SCD5: variants seen among roughly 807,000 people sequenced by gnomAD.
SCD5 encodes acyl-CoA-desaturase 4.
In SCD5, 20 loss-of-function variants were observed where a neutral mutation model predicts 30.4. That is an observed-to-expected ratio of 0.66 (90% CI 0.46 to 0.96). The LOEUF is 0.96. Ranked by LOEUF, SCD5 falls within the 40% of genes least tolerant of loss-of-function variation. SCD5 has a pLI of 0.00. For missense variants in SCD5, 381 were observed against 443.3 expected (o/e 0.86, Z 1.26); for synonymous variants, 173 against 176.4 (o/e 0.98, Z 0.16).
At chr4:82,697,452 C>T (rs1328954047) in intron 2 of SCD5, among the ~76,000 whole-genome samples, 1 of 152,150 alleles carries the variant, frequency 6.6e-6, no homozygotes, top group African/African-American at 2.4e-5. Flanking sequence ...CTGTGAGAAA[C>T]AGACTAGCCC....
At chr4:82,758,562 T>C (rs754774499) in intron 1 of SCD5, among the ~76,000 whole-genome samples, 3 of 152,204 alleles carry the variant, frequency 2.0e-5, no homozygotes, top group Non-Finnish European at 4.4e-5. Context: ...CATTCATATG[T>C]TAAGACTTAA....
chr4:82,715,873 C>T (rs925714810), intron 1 of SCD5, among the ~76,000 whole-genome samples: 3 of 151,740 alleles, frequency 2.0e-5, no homozygotes, highest in African/African-American at 7.3e-5. Flanking sequence ...ATGACAAAGA[C>T]TAAGGCTGTT....
chr4:82,702,857 T>C (rs534901863), intron 2 of SCD5, among the ~76,000 whole-genome samples: 28 of 152,360 alleles, frequency 1.8e-4, no homozygotes, highest in African/African-American at 6.5e-4. Context: ...TAGGGTTAAG[T>C]GGTTTAAATA....
At chr4:82,730,144 C>T (rs1057241232) in intron 1 of SCD5, among the ~76,000 whole-genome samples, 5 of 150,916 alleles carry the variant, frequency 3.3e-5, no homozygotes, top group Non-Finnish European at 5.9e-5. Flanking sequence ...ATCTAATTTA[C>T]AGGACCCCAG....
rs1188550016 is a variant in SCD5 at position 82,730,231 on chromosome 4, TAATA to T, written c.233-24822_233-24819del. Among the ~76,000 whole-genome samples, 117 of 36,978 alleles carry T rather than the reference TAATA, an allele frequency of 3.2e-3. 1 individual carries two copies. Among genetic ancestry groups the T allele is most frequent in the African/African-American group, 0.016 (84 of 5,286 alleles). The allele number at this position is 36,978 out of a possible 152,430, so 24.3% of individuals were successfully genotyped here. On this transcript the variant is annotated intron_variant, in intron 1 of 4. Transcript: ENST00000319540. ...TATAATACATATATTATATTATATATAATATTTAAAAACATATAATATATTATAC... is the reference window on the plus strand; with the variant it reads ...TATAATACATATATTATATTATATATTTTAAAAACATATAATATATTATAC...
At chr4:82,714,066 T>G (rs1720168865) in intron 1 of SCD5, among the ~76,000 whole-genome samples, 1 of 152,188 alleles carries the variant, frequency 6.6e-6, no homozygotes, top group African/African-American at 2.4e-5. Context: ...ACCCATACAT[T>G]ACTCAGAAAT....
chr4:82,767,368 C>A (rs560978917), intron 1 of SCD5, among the ~76,000 whole-genome samples: 4 of 152,186 alleles, frequency 2.6e-5, no homozygotes. Context: ...CCTCCCCAGA[C>A]TTCTAGCTCT....
At chr4:82,785,526 A>G (rs1227897093) in intron 1 of SCD5, among the ~76,000 whole-genome samples, 1 of 152,192 alleles carries the variant, frequency 6.6e-6, no homozygotes, top group Admixed American at 6.5e-5. Flanking sequence ...CCTGAATGCA[A>G]AGTCACCTCC....
intron 3 of SCD5, among the ~76,000 whole-genome samples, chr4:82,674,353 TA>T (rs1467719562): frequency 3.9e-5 from 6 of 152,232 alleles, no homozygotes; most frequent in African/African-American, 1.4e-4. Flanking sequence ...AACATCTTAC[TA>T]AAGAAAATAT....
chr4:82,754,294 A>G (rs1429077672), intron 1 of SCD5, among the ~76,000 whole-genome samples: 1 of 152,228 alleles, frequency 6.6e-6, no homozygotes, highest in African/African-American at 2.4e-5. Flanking sequence ...AAATAAATTC[A>G]AAGGCCCTGC....
At chr4:82,655,664 G>A (rs1727854302) in intron 3 of SCD5, among the ~76,000 whole-genome samples, 1 of 152,180 alleles carries the variant, frequency 6.6e-6, no homozygotes, top group African/African-American at 2.4e-5. Context: ...TGATCAAAGA[G>A]GAAGGAACAG....
chr4:82,668,930 G>T (rs1728247181), intron 3 of SCD5, among the ~76,000 whole-genome samples: 2 of 152,186 alleles, frequency 1.3e-5, no homozygotes, highest in South Asian at 4.2e-4. Flanking sequence ...ACAAAATACA[G>T]ATAACCAACC....
chr4:82,717,406 T>A (rs561773865), intron 1 of SCD5, among the ~76,000 whole-genome samples: 1 of 151,748 alleles, frequency 6.6e-6, no homozygotes, highest in Non-Finnish European at 1.5e-5. Flanking sequence ...TATGCAACTA[T>A]CGAAATCACC....
chr4:82,774,304 A>G (rs1393275259), intron 1 of SCD5, among the ~76,000 whole-genome samples: 1 of 152,142 alleles, frequency 6.6e-6, no homozygotes, highest in Non-Finnish European at 1.5e-5. Context: ...CATTAAAAAA[A>G]AATCCATGAT....
intron 4 of SCD5, among the ~76,000 whole-genome samples, chr4:82,636,330 A>G (rs1727428487): frequency 6.6e-6 from 1 of 152,054 alleles, no homozygotes. Context: ...GGATGCCTGT[A>G]ATCCCAGCTC....
At chr4:82,668,888 T>C (rs1487670081) in intron 3 of SCD5, among the ~76,000 whole-genome samples, 1 of 152,208 alleles carries the variant, frequency 6.6e-6, no homozygotes, top group Non-Finnish European at 1.5e-5. Context: ...ATCCAGGGTC[T>C]CTCCTTTGAG....
chr4:82,779,503 C>T (rs1009807435), intron 1 of SCD5, among the ~76,000 whole-genome samples: 9 of 152,342 alleles, frequency 5.9e-5, no homozygotes, highest in South Asian at 4.1e-4. Context: ...GTTGTCAGGG[C>T]TCAGCCACCA....
rs535742153 is a variant in SCD5 at position 82,652,908 on chromosome 4, T to A, written c.570-16085A>T. 8.5e-5 allele frequency among the ~76,000 whole-genome samples: 13 copies of A among 152,272 alleles called. No homozygotes were observed. The East Asian group carries it at 2.5e-3, about 29-fold the overall frequency. On this transcript the variant is annotated intron_variant, in intron 3 of 4. Coordinates refer to ENST00000319540, the MANE Select transcript of SCD5 (RefSeq NM_001037582.3). Reference sequence around the variant, plus strand: ...TGGCTCACACCTGTAGTCCCGACACTTTGGGCGGCTGAGGTGGGCAGATCC... The same window carrying A: ...TGGCTCACACCTGTAGTCCCGACACATTGGGCGGCTGAGGTGGGCAGATCC...
intron 2 of SCD5, among the ~76,000 whole-genome samples, chr4:82,697,811 T>A (rs1477722930): frequency 6.6e-6 from 1 of 152,212 alleles, no homozygotes. Context: ...TGCACCACTT[T>A]GTCGGAGTAT....
Sources: allele counts gnomAD v4.1 joint callset (sites outside exome capture counted in the v4.1 genomes callset), GRCh38; gene constraint gnomAD v4.1.1; transcripts MANE v1.5; gene names NCBI Gene and HGNC (gene_info 2026-07-23, HGNC 2026-07-21).